MEGF11: variants seen among roughly 807,000 people sequenced by gnomAD.
MEGF11 encodes multiple EGF like domains 11.
MEGF11 carries 126 observed loss-of-function variants against 146.6 expected under a neutral mutation model. The observed-to-expected ratio is 0.86, with a 90% CI of 0.74 to 1.00. The LOEUF is 1.00. MEGF11 is among the 50% of genes least tolerant of loss of function. The pLI, the probability that MEGF11 is intolerant of heterozygous loss-of-function variation, is 0.00. For synonymous variants in MEGF11, 532 were observed against 583.4 expected (o/e 0.91, Z 1.27); for missense variants, 1,509 against 1,521.2 (o/e 0.99, Z 0.13).
rs143883831 is a variant in MEGF11 at position 66,126,082 on chromosome 15, G to A, written c.99-2082C>T. Reference sequence around the variant, plus strand: ...ATGAGGGGCCAGATTAATCTTGGACGGCCAGGCTTTACTAGCCGGGAGAGG... The same window carrying A: ...ATGAGGGGCCAGATTAATCTTGGACAGCCAGGCTTTACTAGCCGGGAGAGG... On this transcript the variant is annotated intron_variant, in intron 2 of 25. Transcript: ENST00000395614. 3.5e-3 allele frequency among the ~76,000 whole-genome samples: 526 copies of A among 152,288 alleles called. 1 individual carries two copies. Among genetic ancestry groups the A allele is most frequent in the Non-Finnish European group, 6.1e-3 (413 of 68,008 alleles).
intron 3 of MEGF11, among the ~76,000 whole-genome samples, chr15:66,120,285 G>A (rs902408525): frequency 1.3e-5 from 2 of 152,212 alleles, no homozygotes; most frequent in South Asian, 2.1e-4. Flanking sequence ...CACACGGACA[G>A]TCAAAGTGGA....
intron 3 of MEGF11, among the ~76,000 whole-genome samples, chr15:66,119,531 C>G (rs1347250667): frequency 6.6e-6 from 1 of 152,144 alleles, no homozygotes; most frequent in Admixed American, 6.5e-5. Flanking sequence ...CTTGAAGAGC[C>G]CACGGGGTGA....
chr15:66,169,702 T>G (rs1231307294), intron 1 of MEGF11, among the ~76,000 whole-genome samples: 1 of 152,386 alleles, frequency 6.6e-6, no homozygotes, highest in African/African-American at 2.4e-5. Context: ...ATTTTCTTTT[T>G]TGCAGCTAAT....
chr15:66,191,481 C>T (rs1489282064), intron 1 of MEGF11, among the ~76,000 whole-genome samples: 3 of 152,052 alleles, frequency 2.0e-5, no homozygotes, highest in Non-Finnish European at 2.9e-5. Context: ...GGACCTGGAC[C>T]CTGAGGGTCG....
chr15:66,012,865 G>A (rs1439099101), intron 5 of MEGF11, among the ~76,000 whole-genome samples: 1 of 152,228 alleles, frequency 6.6e-6, no homozygotes, highest in African/African-American at 2.4e-5. Context: ...TAGGAAGCAG[G>A]GCCAGTGATG....
rs1467907444 is a variant in MEGF11 at position 66,240,137 on chromosome 15, GCT to G, written c.-9+13466_-9+13467del. 9.2e-5 allele frequency among the ~76,000 whole-genome samples: 14 copies of G among 152,332 alleles called. 1 individual carries two copies. The highest frequency in any genetic ancestry group is 7.2e-4 in the Admixed American group (11 of 15,300). On this transcript the variant is annotated intron_variant, in intron 1 of 25. Transcript: ENST00000395614. ...GCACCAGCACAAAGACTTCGCTCAAGCTCTGTTTTCTGGGGAACCCAAAATCT... is the reference window on the plus strand; with the variant it reads ...GCACCAGCACAAAGACTTCGCTCAAGCTGTTTTCTGGGGAACCCAAAATCT...
At chr15:66,175,321 C>T (rs954738888) in intron 1 of MEGF11, among the ~76,000 whole-genome samples, 9 of 152,052 alleles carry the variant, frequency 5.9e-5, no homozygotes, top group African/African-American at 2.2e-4. Context: ...GAAAAAACAA[C>T]CCGAAAATGC....
intron 5 of MEGF11, among the ~76,000 whole-genome samples, chr15:65,999,853 C>T (rs187089311): frequency 1.3e-5 from 2 of 152,286 alleles, no homozygotes; most frequent in African/African-American, 2.4e-5. Context: ...TCAGGATTGA[C>T]GGTAGGTCAT....
intron 5 of MEGF11, among the ~76,000 whole-genome samples, chr15:66,034,700 G>A (rs1009711744): frequency 6.6e-6 from 1 of 152,168 alleles, no homozygotes; most frequent in Admixed American, 6.5e-5. Context: ...GAATACAGGC[G>A]TGAGCCACTG....
intron 1 of MEGF11, among the ~76,000 whole-genome samples, chr15:66,231,844 G>A (rs896356901): frequency 1.3e-5 from 2 of 152,190 alleles, no homozygotes; most frequent in African/African-American, 2.4e-5. Flanking sequence ...GTGGAAGCTC[G>A]GAATACATGT....
At chr15:66,122,995 G>A (rs892911737) in intron 3 of MEGF11, among the ~76,000 whole-genome samples, 3 of 152,160 alleles carry the variant, frequency 2.0e-5, no homozygotes, top group East Asian at 3.9e-4. Flanking sequence ...GTGTTAGCCA[G>A]GATGATCTCG....
chr15:66,071,247 C>T (rs184668549), intron 5 of MEGF11, among the ~76,000 whole-genome samples: 2 of 152,316 alleles, frequency 1.3e-5, no homozygotes, highest in East Asian at 3.9e-4. Flanking sequence ...CTCCTAGACT[C>T]TACGTTCCTT....
rs370416533 is a variant in MEGF11 at position 66,194,612 on chromosome 15, AAAAC to A, written c.-9+58989_-9+58992del. ...GAGACAGAGCAAGACTCCGTCTCAA[AAAAC>A]AAACAAACAAACAAAAAGAATGATA... On this transcript the variant is annotated intron_variant, in intron 1 of 25. Transcript: ENST00000395614. 2.8e-3 allele frequency among the ~76,000 whole-genome samples: 427 copies of A among 151,744 alleles called. 2 individuals carry two copies. The highest frequency in any genetic ancestry group is 9.8e-3 in the African/African-American group (402 of 41,222).
chr15:66,058,517 C>T (rs945853412), intron 5 of MEGF11, among the ~76,000 whole-genome samples: 55 of 152,242 alleles, frequency 3.6e-4, no homozygotes, highest in African/African-American at 1.3e-3. Context: ...GGGCTGGGCC[C>T]CGGAGCACCC....
chr15:65,932,068 C>T (rs909456761), intron 10 of MEGF11, among the ~76,000 whole-genome samples: 2 of 152,118 alleles, frequency 1.3e-5, no homozygotes, highest in South Asian at 2.1e-4. Context: ...AGAATAATCC[C>T]GATGAGAATA....
chr15:66,037,610 G>GAAA (rs1373596913), intron 5 of MEGF11, among the ~76,000 whole-genome samples: 4 of 152,150 alleles, frequency 2.6e-5, no homozygotes, highest in Non-Finnish European at 5.9e-5. Flanking sequence ...GGTGGGGTGA[G>GAAA]GGCAAGTGGG....
intron 1 of MEGF11, among the ~76,000 whole-genome samples, chr15:66,224,893 G>A (rs1050034840): frequency 6.6e-6 from 1 of 151,882 alleles, no homozygotes; most frequent in Admixed American, 6.6e-5. Flanking sequence ...ATCTCAATCA[G>A]CACCCCCAAG....
chr15:65,970,817 C>T (rs1045065510), intron 7 of MEGF11, 128 bp from the exon 8 acceptor site: 19 of 1,094,020 alleles, frequency 1.7e-5, no homozygotes, highest in Admixed American at 4.8e-5. Flanking sequence ...AGCTGGACAC[C>T]AGGGCTCCAA....
intron 1 of MEGF11, among the ~76,000 whole-genome samples, chr15:66,184,426 G>A (rs757352057): frequency 1.9e-4 from 29 of 151,602 alleles, no homozygotes; most frequent in Non-Finnish European, 3.4e-4. Flanking sequence ...CTAAGAATCC[G>A]TGCCCCGATT....
Sources: gnomAD v4.1 joint callset for allele counts (sites outside exome capture counted in the v4.1 genomes callset) on GRCh38, gnomAD v4.1.1 for gene constraint, MANE v1.5 for transcripts, NCBI Gene and HGNC (gene_info 2026-07-23, HGNC 2026-07-21) for gene names.